Variants in MRPL50 observed in about 807,000 individuals in gnomAD.
The protein encoded by MRPL50 is mitochondrial ribosomal protein L50.
In MRPL50, 10 loss-of-function variants were observed where a neutral mutation model predicts 16.2. That is an observed-to-expected ratio of 0.62 (90% confidence interval 0.38 to 1.05). The LOEUF (loss-of-function observed/expected upper bound fraction) is 1.05, where lower values mean the gene tolerates loss of function less well. Among genes scored for constraint, MRPL50 ranks in the 50% least tolerant of loss-of-function variants. MRPL50 has a pLI of 0.01. For synonymous variants in MRPL50, 68 were observed against 66.8 expected (o/e 1.02, Z -0.09); for missense variants, 213 against 187.1 (o/e 1.14, Z -0.81).
chr9:101,395,760 C>G (rs1005857454), intron 1 of MRPL50, among the ~76,000 whole-genome samples: 1 of 150,588 alleles, frequency 6.6e-6, no homozygotes, highest in African/African-American at 2.4e-5. Context: ...TTACCAGAGG[C>G]TGGGAAGGGT....
At position 101,389,495 on chromosome 9, in the gene MRPL50, A is replaced by G; in HGVS notation, c.*971T>C. 7.8e-7 allele frequency: 1 copy of G among 1,285,142 alleles called. No homozygotes were observed. Among genetic ancestry groups the G allele is most frequent in the East Asian group, 5.6e-5 (1 of 17,980 alleles). The allele number at this position is 1,285,142 out of a possible 1,614,324, so 79.6% of individuals were successfully genotyped here. A position where few individuals can be genotyped will look rare whatever the true frequency, so the allele number is the denominator to read the frequency against. ...CTCTTCAAAGGAGTAACCCTGGGAA[A>G]GAGAATAAATGCAACTTATTTTGTT... On this transcript the variant is annotated 3_prime_UTR_variant, in exon 2 of 2. Transcript: ENST00000374865.
chr9:101,390,155 C>A lies in MRPL50; in HGVS notation c.*311G>T. 9.3e-7 allele frequency: 1 copy of A among 1,075,524 alleles called. No homozygotes were observed. Among genetic ancestry groups the A allele is most frequent in the Non-Finnish European group, 1.1e-6 (1 of 887,346 alleles). 66.6% of individuals were successfully genotyped at this position (1,075,524 alleles called of 1,614,324 possible). On this transcript the variant is annotated 3_prime_UTR_variant, in exon 2 of 2. Coordinates refer to ENST00000374865, the MANE Select transcript of MRPL50 (RefSeq NM_019051.3). ...AATACTTTCTTGCAACTACTTTATG[C>A]TTATGAAAGGTGTGAACTTGCAATG...
chr9:101,388,023 G>A lies in MRPL50; in HGVS notation c.*2443C>T, dbSNP rs927856094. On this transcript the variant is annotated 3_prime_UTR_variant, in exon 2 of 2. Transcript: ENST00000374865. ...CTGTTAGGATGTGTTTACCCTCGTC[G>A]GCTAAATTTACCAAGACTGTTGTTT... The A allele has an allele frequency of 2.6e-5, 4 of 151,832 alleles. No homozygotes were observed. The highest frequency in any genetic ancestry group is 2.1e-4 in the South Asian group (1 of 4,814). The allele number at this position is 151,832 out of a possible 1,614,324, so 9.4% of individuals were successfully genotyped here.
intron 1 of MRPL50, among the ~76,000 whole-genome samples, chr9:101,395,322 G>A (rs944474253): frequency 6.6e-6 from 1 of 152,182 alleles, no homozygotes; most frequent in Non-Finnish European, 1.5e-5. Context: ...TGGTGGGAAT[G>A]TAAATTAGTA....
chr9:101,394,337 G>A (rs1830313332), intron 1 of MRPL50, among the ~76,000 whole-genome samples: 4 of 152,164 alleles, frequency 2.6e-5, no homozygotes, highest in Admixed American at 2.6e-4. Context: ...ATATTTTGCA[G>A]ACCCTGCACT....
intron 1 of MRPL50, among the ~76,000 whole-genome samples, chr9:101,391,331 A>G (rs2118129998): frequency 6.6e-6 from 1 of 152,186 alleles, no homozygotes. Context: ...TTAGGATAAA[A>G]TTGTTCTCTT....
intron 1 of MRPL50, among the ~76,000 whole-genome samples, chr9:101,396,916 TG>T (rs1480160420): frequency 1.3e-5 from 2 of 152,026 alleles, no homozygotes; most frequent in African/African-American, 4.8e-5. Flanking sequence ...CACTCCAGCC[TG>T]GAGACAGAGT....
chr9:101,397,913 A>G (rs1194645984), intron 1 of MRPL50, among the ~76,000 whole-genome samples: 6 of 152,226 alleles, frequency 3.9e-5, no homozygotes, highest in African/African-American at 1.4e-4. Flanking sequence ...TATGTTCTAG[A>G]TCCAGCTTTG....
intron 1 of MRPL50, among the ~76,000 whole-genome samples, chr9:101,397,036 A>C (rs1306817543): frequency 6.6e-6 from 1 of 152,170 alleles, no homozygotes; most frequent in Non-Finnish European, 1.5e-5. Flanking sequence ...GACAAAGGTA[A>C]AATTTAAATT....
intron 1 of MRPL50, 80 bp downstream of exon 1, chr9:101,398,416 ATGGCG>A (rs1303628852): frequency 3.0e-6 from 4 of 1,319,382 alleles, no homozygotes; most frequent in Non-Finnish European, 4.3e-6. Flanking sequence ...CGGGACCACG[ATGGCG>A]TAACACTCTA....
rs750998924 is a variant in MRPL50, at chr9:101,398,039, G to A, written c.92+462C>T. 3.3e-5 allele frequency among the ~76,000 whole-genome samples: 5 copies of A among 152,152 alleles called. 1 individual carries two copies. Among genetic ancestry groups the A allele is most frequent in the Admixed American group, 2.0e-4 (3 of 15,276 alleles). ...ATTTTGTTTTTCCTGCTGTATCCTA[G>A]GCGCTTAGAGTAATGCTGGCCCTAA... is the stretch of plus-strand genomic sequence containing the variant. On this transcript the variant is annotated intron_variant, in intron 1 of 1. Transcript: ENST00000374865.
chr9:101,392,333 A>T (rs951989325), intron 1 of MRPL50, among the ~76,000 whole-genome samples: 3 of 152,060 alleles, frequency 2.0e-5, no homozygotes, highest in African/African-American at 7.2e-5. Flanking sequence ...AGACTAAAAA[A>T]GCAATAAAAA....
intron 1 of MRPL50, among the ~76,000 whole-genome samples, chr9:101,392,462 C>T (rs1041132576): frequency 6.6e-6 from 1 of 151,844 alleles, no homozygotes; most frequent in African/African-American, 2.4e-5. Flanking sequence ...GGAGATATTA[C>T]ACTGATATCA....
intron 1 of MRPL50, 87 bp downstream of exon 1, chr9:101,398,414 C>A: frequency 7.7e-7 from 1 of 1,306,828 alleles, no homozygotes. Flanking sequence ...CGCGGGACCA[C>A]GATGGCGTAA....
chr9:101,389,670 CCTG>C lies in MRPL50; in HGVS notation c.*793_*795del, dbSNP rs554101484. 770 of 304,934 alleles carry C rather than the reference CCTG, an allele frequency of 2.5e-3. 3 individuals are homozygous for C. Among genetic ancestry groups the C allele is most frequent in the Non-Finnish European group, 3.8e-3 (637 of 167,174 alleles). 18.9% of individuals were successfully genotyped at this position (304,934 alleles called of 1,614,324 possible). A position where few individuals can be genotyped will look rare whatever the true frequency, so the allele number is the denominator to read the frequency against. ...TTTGTCATTCAGAACCATCTGATAA[CCTG>C]CTATTTAAGTAATTTCCACAAATTG... On this transcript the variant is annotated 3_prime_UTR_variant, in exon 2 of 2. Transcript: ENST00000374865.
At position 101,389,906 on chromosome 9, in the gene MRPL50, G is replaced by A; in HGVS notation, c.*560C>T. On this transcript the variant is annotated 3_prime_UTR_variant, in exon 2 of 2. Coordinates refer to ENST00000374865, the MANE Select transcript of MRPL50 (RefSeq NM_019051.3). ...AATTTTTTCAAAATTATACTTACTGGAAAGAAATGGCAAGGCAGAGCGCAA... is the reference window on the plus strand; with the variant it reads ...AATTTTTTCAAAATTATACTTACTGAAAAGAAATGGCAAGGCAGAGCGCAA... 4.3e-6 allele frequency: 3 copies of A among 695,598 alleles called. No homozygotes were observed. Among genetic ancestry groups the A allele is most frequent in the Non-Finnish European group, 5.3e-6 (3 of 565,588 alleles). The allele number at this position is 695,598 out of a possible 1,614,324, so 43.1% of individuals were successfully genotyped here. A position where few individuals can be genotyped will look rare whatever the true frequency, so the allele number is the denominator to read the frequency against.
rs544351842 is a variant in MRPL50, at chr9:101,388,339, T to G, written c.*2127A>C. 6.6e-6 allele frequency: 1 copy of G among 152,246 alleles called. No individual in the cohort carries two copies. The highest frequency in any genetic ancestry group is 6.5e-5 in the Admixed American group (1 of 15,276). 9.4% of individuals were successfully genotyped at this position (152,246 alleles called of 1,614,324 possible). A position where few individuals can be genotyped will look rare whatever the true frequency, so the allele number is the denominator to read the frequency against. ...TTGCAGTTACCACTCCAGTTGTAAC[T>G]GTTTTTCCACATAGACCTTCTCATC... On this transcript the variant is annotated 3_prime_UTR_variant, in exon 2 of 2. Transcript: ENST00000374865.
At chr9:101,391,715 T>C (rs1188904709) in intron 1 of MRPL50, among the ~76,000 whole-genome samples, 6 of 152,168 alleles carry the variant, frequency 3.9e-5, no homozygotes, top group South Asian at 2.1e-4. Flanking sequence ...AAGGAAGAGA[T>C]AGACTACAAT....
At chr9:101,392,405 TA>T (rs149830549) in intron 1 of MRPL50, among the ~76,000 whole-genome samples, 4 of 151,064 alleles carry the variant, frequency 2.6e-5, no homozygotes, top group Non-Finnish European at 4.4e-5. Context: ...TTAGCTAGAC[TA>T]AAAAAAACAG....
Sources: allele counts gnomAD v4.1 joint callset (sites outside exome capture counted in the v4.1 genomes callset), GRCh38; gene constraint gnomAD v4.1.1; transcripts MANE v1.5; gene names NCBI Gene and HGNC (gene_info 2026-07-23, HGNC 2026-07-21).